The following CDH23 variants were observed in gnomAD, a reference collection of about 807,000 sequenced individuals.
CDH23 encodes the protein cadherin-23.
Under a neutral mutation model 317.1 loss-of-function variants are expected in CDH23, and 189 were observed. The ratio of observed to expected loss-of-function variants is 0.60; its 90% confidence interval spans 0.53 to 0.67. The LOEUF is 0.67. Ranked by LOEUF, CDH23 falls within the 30% of genes least tolerant of loss-of-function variation. The pLI, the probability that CDH23 is intolerant of heterozygous loss-of-function variation, is 0.00. For missense variants in CDH23, 4,401 were observed against 4,592.4 expected (o/e 0.96, Z 1.20); for synonymous variants, 1,839 against 1,876.8 (o/e 0.98, Z 0.52).
At chr10:71,566,340 G>C (rs1857396564) in intron 6 of CDH23, among the ~76,000 whole-genome samples, 2 of 152,128 alleles carry the variant, frequency 1.3e-5, no homozygotes, top group African/African-American at 2.4e-5. Flanking sequence ...TGTGTTAAGT[G>C]CATGGTCTGT....
chr10:71,765,026 G>A (rs545947114), intron 38 of CDH23, among the ~76,000 whole-genome samples: 74 of 152,360 alleles, frequency 4.9e-4, no homozygotes, highest in African/African-American at 1.6e-3. Context: ...TGGGGTGGGT[G>A]TAGCTGCAAA....
intron 28 of CDH23, among the ~76,000 whole-genome samples, chr10:71,720,399 T>G (rs1434367146): frequency 1.3e-5 from 2 of 149,920 alleles, no homozygotes; most frequent in Non-Finnish European, 3.0e-5. Flanking sequence ...ACGGGAGACC[T>G]CCACTGGAGG....
At chr10:71,431,816 G>GTGCCCTC (rs1346923070) in intron 1 of CDH23, among the ~76,000 whole-genome samples, 1 of 152,176 alleles carries the variant, frequency 6.6e-6, no homozygotes, top group Non-Finnish European at 1.5e-5. Flanking sequence ...AGGCAGCAGT[G>GTGCCCTC]TGCCCTCTGC....
chr10:71,612,303 G>A (rs1474480278), intron 9 of CDH23, among the ~76,000 whole-genome samples: 4 of 151,860 alleles, frequency 2.6e-5, no homozygotes, highest in Non-Finnish European at 4.4e-5. Context: ...GGGGGTACTT[G>A]CCTGCAGGTT....
rs2132682773 is a variant in CDH23 at position 71,682,560 on chromosome 10, C to T, written c.1974C>T (p.Thr658=). 5.6e-6 allele frequency: 9 copies of T among 1,613,414 alleles called. No homozygotes were observed. Among genetic ancestry groups the T allele is most frequent in the Non-Finnish European group, 7.6e-6 (9 of 1,179,672 alleles). Residue 658 remains threonine, a synonymous_variant, in exon 18 of 70, where the codon ACC becomes ACT. Coordinates refer to ENST00000224721, the MANE Select transcript of CDH23 (RefSeq NM_022124.6). ...CTCTCAACAGCACCGTCCCTGTCAC[C>T]ATCGAGGTGTTTGTAAGTACCCAGG... ...NPPLNSTVPV[T]IEVFDENDNP... is the part of the protein sequence containing the mutation.
chr10:71,734,699 T>C, intron 34 of CDH23, 41 bp downstream of exon 34: 2 of 1,313,584 alleles, frequency 1.5e-6, no homozygotes, highest in South Asian at 2.3e-5. Flanking sequence ...TGCTGTTGGC[T>C]GTGGCCAGTG....
chr10:71,513,211 G>C (rs1183721764), intron 6 of CDH23, among the ~76,000 whole-genome samples: 1 of 152,168 alleles, frequency 6.6e-6, no homozygotes, highest in Non-Finnish European at 1.5e-5. Flanking sequence ...TCGATGCCCT[G>C]CTTGGGGCTG....
chr10:71,640,785 G>A (rs1226301968), intron 11 of CDH23, among the ~76,000 whole-genome samples: 2 of 152,056 alleles, frequency 1.3e-5, no homozygotes, highest in African/African-American at 2.4e-5. Context: ...GAAAGGAAAC[G>A]GTGCTGGGCC....
rs1312924601 is a variant in CDH23 at position 71,442,956 on chromosome 10, G to A, written c.67+3058G>A. Among the ~76,000 whole-genome samples, 7 of 152,330 alleles carry A rather than the reference G, an allele frequency of 4.6e-5. No individual in the cohort carries two copies. In the East Asian group the frequency reaches 9.7e-4, roughly 21 times the overall value. On this transcript the variant is annotated intron_variant, in intron 2 of 69. Transcript: ENST00000224721. ...CATCCTGAGGCTGGAAAATGGGGCGGAGGGCGAGGCAGAGGGAGAGGGATC... is the reference window on the plus strand; with the variant it reads ...CATCCTGAGGCTGGAAAATGGGGCGAAGGGCGAGGCAGAGGGAGAGGGATC...
At chr10:71,748,461 C>T (rs1839908028) in intron 38 of CDH23, 1 of 152,266 alleles carries the variant, frequency 6.6e-6, no homozygotes. Context: ...GTCAGCAAAA[C>T]CCTCCAAATG....
intron 11 of CDH23, among the ~76,000 whole-genome samples, chr10:71,622,230 C>T (rs138824524): frequency 6.6e-6 from 1 of 152,170 alleles, no homozygotes; most frequent in East Asian, 1.9e-4. Flanking sequence ...TCCTTAAACC[C>T]CCTGTGCCGC....
At chr10:71,683,039 G>A (rs758363539) in intron 18 of CDH23, among the ~76,000 whole-genome samples, 3 of 151,990 alleles carry the variant, frequency 2.0e-5, no homozygotes, top group East Asian at 1.9e-4. Context: ...GATCTAAAGC[G>A]GTCTGAAACC....
intron 3 of CDH23, among the ~76,000 whole-genome samples, chr10:71,447,696 T>C (rs1850238418): frequency 6.6e-6 from 1 of 152,168 alleles, no homozygotes; most frequent in Non-Finnish European, 1.5e-5. Context: ...TGGAATGCCC[T>C]CTCATAGGCA....
At position 71,803,288 on chromosome 10, in the gene CDH23, C is replaced by A. The variant is rs1385451878; in HGVS notation, c.7740C>A (p.Thr2580=). The A allele has an allele frequency of 6.3e-7, 1 of 1,590,008 alleles. No homozygotes were observed. ...AGTCCTACGAGAAGTTCAGTCTGAC[C>A]GTGGTGGCCACAGATGGTGGAGAGC... ...PLQSYEKFSL[T]VVATDGGEPP... Residue 2580 remains threonine, a synonymous_variant, in exon 55 of 70, where the codon ACC becomes ACA. Transcript: ENST00000224721.
At chr10:71,797,327 C>A (rs1464849172) in intron 49 of CDH23, 107 bp downstream of exon 49, 1 of 746,470 alleles carries the variant, frequency 1.3e-6, no homozygotes, top group East Asian at 2.8e-5. Flanking sequence ...GCAACAAGAC[C>A]CAGTTGCTCT....
At chr10:71,643,661 C>A (rs1278814869) in intron 11 of CDH23, among the ~76,000 whole-genome samples, 200 bp from the exon 12 acceptor site, 1 of 152,122 alleles carries the variant, frequency 6.6e-6, no homozygotes, top group African/African-American at 2.4e-5. Context: ...CACACTCACA[C>A]AATACGCCTC....
intron 14 of CDH23, among the ~76,000 whole-genome samples, chr10:71,672,936 C>T (rs764255593): frequency 6.6e-6 from 1 of 152,128 alleles, no homozygotes; most frequent in African/African-American, 2.4e-5. Flanking sequence ...CCAGGCCCCT[C>T]CCTTCCTGCA....
At chr10:71,710,692 G>A (rs928741254) in intron 27 of CDH23, among the ~76,000 whole-genome samples, 1 of 152,224 alleles carries the variant, frequency 6.6e-6, no homozygotes, top group Admixed American at 6.5e-5. Context: ...CAGCCTTGGA[G>A]GCCACATAAG....
At chr10:71,775,058 C>G (rs1418707859) in intron 38 of CDH23, among the ~76,000 whole-genome samples, 1 of 152,194 alleles carries the variant, frequency 6.6e-6, no homozygotes, top group East Asian at 1.9e-4. Context: ...CAGAGGCTGG[C>G]AGGACATAAC....
Sources: gnomAD v4.1 joint callset for allele counts (sites outside exome capture counted in the v4.1 genomes callset) on GRCh38, gnomAD v4.1.1 for gene constraint, MANE v1.5 for transcripts, NCBI Gene and HGNC (gene_info 2026-07-23, HGNC 2026-07-21) for gene names.